The following DPP6 variants were observed in gnomAD, a reference collection of about 807,000 sequenced individuals.
The protein encoded by DPP6 is A-type potassium channel modulatory protein DPP6.
A neutral mutation model predicts 122.6 loss-of-function variants in DPP6; 69 were observed. The observed-to-expected ratio is 0.56, with a 90% confidence interval of 0.46 to 0.69. The LOEUF (loss-of-function observed/expected upper bound fraction) is 0.69, where lower values mean the gene tolerates loss of function less well. DPP6 is among the 30% of genes least tolerant of loss of function. The pLI, the probability that DPP6 is intolerant of heterozygous loss-of-function variation, is 0.00. For missense variants in DPP6, 928 were observed against 1,116.9 expected (o/e 0.83, Z 2.41); for synonymous variants, 418 against 433.1 (o/e 0.97, Z 0.43).
intron 1 of DPP6, among the ~76,000 whole-genome samples, chr7:154,356,828 T>C (rs530241975): frequency 6.6e-6 from 1 of 152,094 alleles, no homozygotes; most frequent in South Asian, 2.1e-4. Context: ...AAATAAAGAA[T>C]AAAAAGAACA....
chr7:153,802,366 T>G, the DPP6 span, among the ~76,000 whole-genome samples: 9 of 152,222 alleles, frequency 5.9e-5, no homozygotes, highest in African/African-American at 1.7e-4. Flanking sequence ...CGAGTCACCT[T>G]GAGCTTTATT....
At chr7:154,431,951 T>G (rs1387220193) in intron 1 of DPP6, among the ~76,000 whole-genome samples, 3 of 152,160 alleles carry the variant, frequency 2.0e-5, no homozygotes, top group African/African-American at 7.2e-5. Flanking sequence ...CTGGGCTCTG[T>G]GGTTTCAGGC....
chr7:154,882,852 A>T (rs1805508553), intron 21 of DPP6, among the ~76,000 whole-genome samples: 1 of 152,226 alleles, frequency 6.6e-6, no homozygotes, highest in Non-Finnish European at 1.5e-5. Context: ...GTCATTAGAC[A>T]AGGTGCCCCT....
chr7:154,406,428 TGC>T (rs1816096331), intron 1 of DPP6, among the ~76,000 whole-genome samples: 1 of 31,570 alleles, frequency 3.2e-5, no homozygotes, highest in Non-Finnish European at 8.4e-5. Context: ...CACACACGCA[TGC>T]ACACACACAC....
chr7:154,375,533 C>G (rs900786393), intron 1 of DPP6, among the ~76,000 whole-genome samples: 1 of 152,086 alleles, frequency 6.6e-6, no homozygotes, highest in South Asian at 2.1e-4. Context: ...GAGATGAGGT[C>G]ATGAAGGCGT....
At chr7:154,555,440 G>A (rs1223260962) in intron 4 of DPP6, among the ~76,000 whole-genome samples, 3 of 151,908 alleles carry the variant, frequency 2.0e-5, no homozygotes, top group African/African-American at 7.3e-5. Flanking sequence ...CACAGGAAGG[G>A]GAACATCACA....
chr7:154,668,533 A>T (rs1343975028), intron 6 of DPP6, among the ~76,000 whole-genome samples: 3 of 151,960 alleles, frequency 2.0e-5, no homozygotes, highest in African/African-American at 7.2e-5. Context: ...ATAAGAAATT[A>T]TAGCTAAGTG....
rs907191020 is a variant in DPP6 at position 154,833,822 on chromosome 7, G to A, written c.1667-19958G>A. On this transcript the variant is annotated intron_variant, in intron 16 of 25. Coordinates refer to ENST00000377770, the MANE Select transcript of DPP6 (RefSeq NM_130797.4). The surrounding 1 kb of genome is among the most constrained non-coding windows in gnomAD (Gnocchi z 4.3). ...AGACAAAGGAAATTTAAGGACAAAG[G>A]AAAATTATGTGGACAAAGGAGTTTT... is the stretch of plus-strand genomic sequence containing the variant. 5.1e-4 allele frequency among the ~76,000 whole-genome samples: 78 copies of A among 152,226 alleles called. 1 individual carries two copies. The highest frequency in any genetic ancestry group is 3.7e-3 in the Admixed American group (57 of 15,286).
intron 1 of DPP6, among the ~76,000 whole-genome samples, chr7:154,222,745 C>G (rs1179202471): frequency 6.7e-6 from 1 of 149,434 alleles, no homozygotes; most frequent in Non-Finnish European, 1.5e-5. Context: ...TCCGGAAGCT[C>G]ATTTCCTGCA....
intron 16 of DPP6, among the ~76,000 whole-genome samples, chr7:154,817,679 C>T (rs6951087): frequency 0.013 from 2,008 of 152,122 alleles, 43 homozygotes; most frequent in African/African-American, 0.041. Flanking sequence ...CATGAATGTC[C>T]TGAGTGATTA....
chr7:154,459,413 T>G (rs1176393233), intron 2 of DPP6, among the ~76,000 whole-genome samples: 2 of 152,234 alleles, frequency 1.3e-5, no homozygotes, highest in African/African-American at 2.4e-5. Context: ...TTGGTGTTGG[T>G]ACATCATGAA....
At chr7:153,798,338 A>G in the DPP6 span, among the ~76,000 whole-genome samples, 75,550 of 152,046 alleles carry the variant, frequency 0.5, 19,545 homozygotes, top group African/African-American at 0.62. Flanking sequence ...AAGAAGAGAT[A>G]TTGGTTCTTT....
chr7:153,972,390 G>A (rs144300623), intron 1 of DPP6, among the ~76,000 whole-genome samples: 1 of 152,042 alleles, frequency 6.6e-6, no homozygotes, highest in African/African-American at 2.4e-5. Flanking sequence ...TGAAAGCTAT[G>A]CTTGGGAAAC....
chr7:154,011,052 G>C (rs1467161782), intron 1 of DPP6, among the ~76,000 whole-genome samples: 1 of 152,156 alleles, frequency 6.6e-6, no homozygotes, highest in Non-Finnish European at 1.5e-5. Context: ...TTGAGTGCAG[G>C]ATAACCTTTA....
chr7:154,558,190 CAT>C (rs951961219), intron 4 of DPP6, among the ~76,000 whole-genome samples: 18 of 151,892 alleles, frequency 1.2e-4, no homozygotes, highest in African/African-American at 4.4e-4. Context: ...TGAGTAAGAA[CAT>C]GTGGTGTTTG....
chr7:153,995,659 C>T (rs995041614), intron 1 of DPP6, among the ~76,000 whole-genome samples: 4 of 150,338 alleles, frequency 2.7e-5, no homozygotes, highest in Admixed American at 1.3e-4. Context: ...ATGATGTGCT[C>T]GATAACACCC....
the DPP6 span, among the ~76,000 whole-genome samples, chr7:153,797,880 C>T: frequency 6.0e-4 from 91 of 151,984 alleles, no homozygotes; most frequent in Middle Eastern, 3.4e-3. Flanking sequence ...CTCGCTCTGT[C>T]GCCCAAGCTG....
In DPP6 at chr7:154,540,645, G is replaced by T; in HGVS notation, c.552+19G>T. ...AAAAATTGTAAGTACTCTCTTTAAT[G>T]ACCGGGATAATTTCAGTTTTTCTTC... On this transcript the variant is annotated intron_variant, in intron 4 of 25. Coordinates refer to ENST00000377770, the MANE Select transcript of DPP6 (RefSeq NM_130797.4). 1 of 1,421,092 alleles carries T rather than the reference G, an allele frequency of 7.0e-7. No homozygotes were observed. The highest frequency in any genetic ancestry group is 1.3e-5 in the South Asian group (1 of 75,504). 88.0% of individuals were successfully genotyped at this position (1,421,092 alleles called of 1,614,324 possible).
intron 10 of DPP6, 24 bp downstream of exon 10, chr7:154,772,966 C>CAA: frequency 3.7e-6 from 5 of 1,341,616 alleles, no homozygotes; most frequent in South Asian, 3.7e-5. Flanking sequence ...TATTATGTTA[C>CAA]CAAAAAAAAA....
Sources: allele counts gnomAD v4.1 joint callset (sites outside exome capture counted in the v4.1 genomes callset), GRCh38; gene constraint gnomAD v4.1.1; non-coding constraint Gnocchi (gnomAD v3.1); transcripts MANE v1.5; gene names NCBI Gene and HGNC (gene_info 2026-07-23, HGNC 2026-07-21).